The following SPIN1 variants were observed in gnomAD, a reference collection of about 807,000 sequenced individuals.
SPIN1 encodes the protein spindlin 1.
SPIN1 carries 3 observed loss-of-function variants against 26.0 expected under a neutral mutation model. That is an observed-to-expected ratio of 0.12 (90% CI 0.05 to 0.30). The LOEUF (loss-of-function observed/expected upper bound fraction) is 0.30, where lower values mean the gene tolerates loss of function less well. Ranked by LOEUF, SPIN1 falls within the 10% of genes least tolerant of loss-of-function variation. SPIN1 has a pLI of 1.00. For synonymous variants in SPIN1, 101 were observed against 116.5 expected (o/e 0.87, Z 0.86); for missense variants, 126 against 333.4 (o/e 0.38, Z 4.84).
At chr9:88,449,140 ATCT>A (rs1192100064) in intron 3 of SPIN1, 151 bp downstream of exon 3, 6 of 675,476 alleles carry the variant, frequency 8.9e-6, no homozygotes, top group African/African-American at 1.8e-5. Context: ...GTATGTAGTC[ATCT>A]TCTCTGTCTC....
At chr9:88,462,391 T>C (rs1828592529) in intron 3 of SPIN1, 105 bp from the exon 4 acceptor site, 2 of 1,465,436 alleles carry the variant, frequency 1.4e-6, no homozygotes, top group Admixed American at 2.2e-5. Flanking sequence ...TTTGTACATA[T>C]TTTGGGACCA....
intron 1 of SPIN1, chr9:88,389,550 TG>T (rs1826874639): frequency 6.6e-6 from 1 of 152,252 alleles, no homozygotes; most frequent in Admixed American, 6.5e-5. Context: ...TTTCCGTACG[TG>T]GTGGAAGTGT....
chr9:88,435,091 C>A (rs920273316), intron 2 of SPIN1, among the ~76,000 whole-genome samples: 2 of 151,326 alleles, frequency 1.3e-5, no homozygotes, highest in Non-Finnish European at 2.9e-5. Context: ...GTATGTCTTG[C>A]TGTTGTGTCA....
At chr9:88,441,426 C>CGCGT (rs1828125224) in intron 2 of SPIN1, among the ~76,000 whole-genome samples, 1 of 91,158 alleles carries the variant, frequency 1.1e-5, no homozygotes, top group Non-Finnish European at 1.9e-5. Flanking sequence ...CGCGCGCGCG[C>CGCGT]GCCCATGTGT....
At chr9:88,442,717 A>G (rs926257945) in intron 2 of SPIN1, among the ~76,000 whole-genome samples, 66 of 151,470 alleles carry the variant, frequency 4.4e-4, no homozygotes, top group African/African-American at 1.2e-3. Flanking sequence ...TTGATTTTCT[A>G]CAGTTTGAAT....
chr9:88,470,529 T>G (rs1828759764), intron 5 of SPIN1, among the ~76,000 whole-genome samples: 2 of 152,194 alleles, frequency 1.3e-5, no homozygotes, highest in South Asian at 4.1e-4. Flanking sequence ...GGTATCTCAT[T>G]GTGGCTTTGA....
At chr9:88,453,415 G>GC (rs1828402521) in intron 3 of SPIN1, among the ~76,000 whole-genome samples, 1 of 152,172 alleles carries the variant, frequency 6.6e-6, no homozygotes, top group Admixed American at 6.5e-5. Flanking sequence ...TCCTCTTCAT[G>GC]CCGCTGAATC....
At chr9:88,405,204 G>T (rs1827270148) in intron 1 of SPIN1, among the ~76,000 whole-genome samples, 1 of 152,058 alleles carries the variant, frequency 6.6e-6, no homozygotes, top group South Asian at 2.1e-4. Flanking sequence ...CAAGTACAAT[G>T]TACTGTACGT....
At chr9:88,451,816 C>T (rs191934571) in intron 3 of SPIN1, among the ~76,000 whole-genome samples, 33 of 152,342 alleles carry the variant, frequency 2.2e-4, no homozygotes, top group Admixed American at 9.8e-4. Context: ...CTACCTCAGC[C>T]TCCCAAAGTG....
chr9:88,395,241 AGTT>A (rs1827028765), intron 1 of SPIN1, among the ~76,000 whole-genome samples: 1 of 151,924 alleles, frequency 6.6e-6, no homozygotes, highest in African/African-American at 2.4e-5. Flanking sequence ...CTCTTGCCCC[AGTT>A]GTTTTTGCTT....
At chr9:88,473,119 A>G (rs1828821835) in intron 5 of SPIN1, among the ~76,000 whole-genome samples, 1 of 152,124 alleles carries the variant, frequency 6.6e-6, no homozygotes, top group African/African-American at 2.4e-5. Context: ...TGGGCTGGGC[A>G]TGGTGGCTCA....
chr9:88,406,005 C>CTGTGTGTGTGTGTGTGTG (rs745317937), intron 1 of SPIN1, among the ~76,000 whole-genome samples: 8 of 103,364 alleles, frequency 7.7e-5, no homozygotes, highest in South Asian at 5.7e-4. Flanking sequence ...GCTTGTGTGT[C>CTGTGTGTGTGTGTGTGTG]TGTGTGTGTG....
At chr9:88,473,468 G>A (rs1828830323) in intron 5 of SPIN1, among the ~76,000 whole-genome samples, 1 of 152,160 alleles carries the variant, frequency 6.6e-6, no homozygotes, top group South Asian at 2.1e-4. Flanking sequence ...TTTGTCATGA[G>A]AACATTTCTT....
chr9:88,428,753 A>T (rs1411576060), intron 2 of SPIN1, among the ~76,000 whole-genome samples: 4 of 152,220 alleles, frequency 2.6e-5, no homozygotes, highest in African/African-American at 9.6e-5. Context: ...AAGACAAAAT[A>T]GGTTCTATGT....
intron 4 of SPIN1, among the ~76,000 whole-genome samples, chr9:88,464,828 A>G (rs1367718322): frequency 1.3e-5 from 2 of 152,200 alleles, no homozygotes; most frequent in African/African-American, 2.4e-5. Flanking sequence ...TGTTAAGTAC[A>G]TTCGCATTGT....
intron 2 of SPIN1, among the ~76,000 whole-genome samples, chr9:88,440,557 G>C (rs984418710): frequency 3.3e-5 from 5 of 151,772 alleles, no homozygotes; most frequent in Non-Finnish European, 7.4e-5. Flanking sequence ...CTCTGTCTCT[G>C]TCTCTCTCTC....
intron 3 of SPIN1, among the ~76,000 whole-genome samples, chr9:88,452,999 T>C (rs1828393621): frequency 6.6e-6 from 1 of 152,174 alleles, no homozygotes; most frequent in African/African-American, 2.4e-5. Context: ...TTAACATGTA[T>C]GATGTCTGTA....
At chr9:88,471,724 C>G (rs1029787382) in intron 5 of SPIN1, among the ~76,000 whole-genome samples, 1 of 149,108 alleles carries the variant, frequency 6.7e-6, no homozygotes, top group Admixed American at 6.7e-5. Flanking sequence ...TCTGGACTCT[C>G]AATTCTGTTG....
At chr9:88,427,107 A>T (rs556483937) in intron 2 of SPIN1, among the ~76,000 whole-genome samples, 31 of 152,316 alleles carry the variant, frequency 2.0e-4, no homozygotes, top group African/African-American at 7.2e-4. Context: ...TGCCCCAATA[A>T]AGATAAACAA....
Sources: allele counts gnomAD v4.1 joint callset (sites outside exome capture counted in the v4.1 genomes callset), GRCh38; gene constraint gnomAD v4.1.1; transcripts MANE v1.5; gene names NCBI Gene and HGNC (gene_info 2026-07-23, HGNC 2026-07-21).